The following STAG1 variants were observed in gnomAD, a reference collection of about 807,000 sequenced individuals.
STAG1 encodes the protein STAG1 cohesin complex component, also known as cohesin subunit SA-1.
Under a neutral mutation model 170.9 loss-of-function variants are expected in STAG1, and 26 were observed. That is an observed-to-expected ratio of 0.15 (90% CI 0.11 to 0.21). The LOEUF (loss-of-function observed/expected upper bound fraction) is 0.21. STAG1 is among the 10% of genes least tolerant of loss of function. The probability of loss-of-function intolerance (pLI) is 1.00; values close to 1 mark genes in which losing one functional copy is unlikely to be tolerated. For synonymous variants in STAG1, 514 were observed against 497.7 expected (o/e 1.03, Z -0.44); for missense variants, 964 against 1,509.5 (o/e 0.64, Z 5.99).
intron 6 of STAG1, among the ~76,000 whole-genome samples, chr3:136,529,891 T>C (rs1028180597): frequency 1.3e-5 from 2 of 152,110 alleles, no homozygotes; most frequent in Non-Finnish European, 2.9e-5. Flanking sequence ...CACATAGTAA[T>C]ATTAACTTTG....
intron 16 of STAG1, among the ~76,000 whole-genome samples, chr3:136,425,527 C>A (rs1373762815): frequency 6.6e-6 from 1 of 151,932 alleles, no homozygotes. Flanking sequence ...CTGACTATAT[C>A]TTTTCACATG....
intron 1 of STAG1, among the ~76,000 whole-genome samples, chr3:136,664,966 AC>A (rs1941706108): frequency 6.6e-6 from 1 of 152,228 alleles, no homozygotes; most frequent in Admixed American, 6.5e-5. Context: ...GAAACTGCAA[AC>A]CACAAAGGAT....
At chr3:136,415,332 A>AG (rs1286889034) in intron 21 of STAG1, among the ~76,000 whole-genome samples, 1 of 147,040 alleles carries the variant, frequency 6.8e-6, no homozygotes, top group East Asian at 2.0e-4. Flanking sequence ...ACAAAAGACA[A>AG]ACAAAAAAGT....
At chr3:136,655,856 A>T (rs1941354762) in intron 1 of STAG1, among the ~76,000 whole-genome samples, 1 of 152,190 alleles carries the variant, frequency 6.6e-6, no homozygotes, top group Non-Finnish European at 1.5e-5. Flanking sequence ...ACAGTGTAAA[A>T]AAATATGGTG....
chr3:136,596,212 G>T (rs992204653), intron 4 of STAG1, among the ~76,000 whole-genome samples: 1 of 152,202 alleles, frequency 6.6e-6, no homozygotes, highest in Non-Finnish European at 1.5e-5. Context: ...ATGCTACAGA[G>T]AAATCTTTCA....
At chr3:136,359,439 T>A (rs1164344051) in intron 26 of STAG1, 143 bp from the exon 27 acceptor site, 3 of 529,462 alleles carry the variant, frequency 5.7e-6, no homozygotes, top group East Asian at 3.1e-5. Flanking sequence ...CTCTGTTCCC[T>A]TTCTACAAAT....
At chr3:136,536,156 C>A (rs1305213645) in intron 6 of STAG1, among the ~76,000 whole-genome samples, 1 of 152,042 alleles carries the variant, frequency 6.6e-6, no homozygotes, top group Non-Finnish European at 1.5e-5. Flanking sequence ...CTCATTTAAG[C>A]ATCTCTCATA....
At chr3:136,546,921 C>T (rs1279817276) in intron 5 of STAG1, among the ~76,000 whole-genome samples, 1 of 152,178 alleles carries the variant, frequency 6.6e-6, no homozygotes, top group African/African-American at 2.4e-5. Context: ...AAAGCTATGT[C>T]ACTAGGGGTC....
At chr3:136,679,500 G>T (rs548089657) in intron 1 of STAG1, among the ~76,000 whole-genome samples, 1 of 151,864 alleles carries the variant, frequency 6.6e-6, no homozygotes, top group African/African-American at 2.4e-5. Context: ...AGGCCCAGGC[G>T]GGCGGATCAT....
chr3:136,739,127 T>C (rs887158327), intron 1 of STAG1, among the ~76,000 whole-genome samples: 1 of 152,084 alleles, frequency 6.6e-6, no homozygotes, highest in Non-Finnish European at 1.5e-5. Flanking sequence ...AAAATGGCCT[T>C]TTAAGAAATT....
intron 7 of STAG1, among the ~76,000 whole-genome samples, chr3:136,515,193 C>T (rs1048938555): frequency 1.3e-5 from 2 of 152,044 alleles, no homozygotes; most frequent in Non-Finnish European, 2.9e-5. Flanking sequence ...GATAAAACCC[C>T]GTCTCTCCCA....
chr3:136,642,034 T>C (rs1940820393), intron 1 of STAG1, among the ~76,000 whole-genome samples: 1 of 152,172 alleles, frequency 6.6e-6, no homozygotes, highest in East Asian at 1.9e-4. Context: ...CTTCCAACTT[T>C]CTCCCCAAGG....
chr3:136,751,201 T>C (rs1177558549), intron 1 of STAG1, among the ~76,000 whole-genome samples: 3 of 150,960 alleles, frequency 2.0e-5, no homozygotes, highest in African/African-American at 7.4e-5. Flanking sequence ...TTTTTGTCTG[T>C]AAGTGTCCAA....
At chr3:136,614,868 G>A (rs930591073) in intron 3 of STAG1, among the ~76,000 whole-genome samples, 4 of 152,066 alleles carry the variant, frequency 2.6e-5, no homozygotes, top group East Asian at 1.9e-4. Context: ...AATCCACACC[G>A]TATCACAAAT....
At chr3:136,527,596 T>G (rs894619900) in intron 6 of STAG1, among the ~76,000 whole-genome samples, 4 of 152,102 alleles carry the variant, frequency 2.6e-5, no homozygotes, top group Non-Finnish European at 5.9e-5. Context: ...CAACTTGTCA[T>G]TCTCCCTCCC....
At chr3:136,613,127 T>C (rs1939386097) in intron 3 of STAG1, among the ~76,000 whole-genome samples, 1 of 151,538 alleles carries the variant, frequency 6.6e-6, no homozygotes, top group Admixed American at 6.6e-5. Flanking sequence ...ATGGTGAAAC[T>C]CTGTCCCTTA....
chr3:136,498,276 C>T (rs1218189260), intron 9 of STAG1, among the ~76,000 whole-genome samples: 166 of 96,308 alleles, frequency 1.7e-3, no homozygotes, highest in Middle Eastern at 5.1e-3. Context: ...ACACACACCA[C>T]ACACACATAC....
chr3:136,351,756 A>G (rs1002769619), intron 28 of STAG1, among the ~76,000 whole-genome samples: 7 of 152,346 alleles, frequency 4.6e-5, no homozygotes, highest in Admixed American at 4.6e-4. Context: ...TCAGAGAGGT[A>G]TCTTCCAAGC....
chr3:136,408,703 T>C (rs1258267030), intron 21 of STAG1, among the ~76,000 whole-genome samples: 3 of 152,254 alleles, frequency 2.0e-5, no homozygotes, highest in African/African-American at 7.2e-5. Context: ...AAATGCATTT[T>C]TGGTAAATAA....
Sources: gnomAD v4.1 joint callset for allele counts (sites outside exome capture counted in the v4.1 genomes callset) on GRCh38, gnomAD v4.1.1 for gene constraint, MANE v1.5 for transcripts, NCBI Gene and HGNC (gene_info 2026-07-23, HGNC 2026-07-21) for gene names.